Variants in TRIM37 observed in about 807,000 individuals in gnomAD.
The protein encoded by TRIM37 is tripartite motif containing 37.
Under a neutral mutation model 129.8 loss-of-function variants are expected in TRIM37, and 80 were observed. That is an observed-to-expected ratio of 0.62 (90% CI 0.51 to 0.74). The LOEUF (loss-of-function observed/expected upper bound fraction) is 0.74, where lower values mean the gene tolerates loss of function less well. TRIM37 is among the 30% of genes least tolerant of loss of function. The pLI is 0.00. For synonymous variants in TRIM37, 389 were observed against 387.1 expected (o/e 1.00, Z -0.06); for missense variants, 1,054 against 1,176.5 (o/e 0.90, Z 1.52).
At chr17:59,049,577 T>C (rs2040152972) in intron 14 of TRIM37, among the ~76,000 whole-genome samples, 184 bp from the exon 15 acceptor site, 1 of 152,210 alleles carries the variant, frequency 6.6e-6, no homozygotes, top group South Asian at 2.1e-4. Flanking sequence ...ACTGCAAGCC[T>C]TGAACTACTG....
intron 24 of TRIM37, among the ~76,000 whole-genome samples, chr17:58,985,601 C>T (rs1328583821): frequency 6.6e-6 from 1 of 152,074 alleles, no homozygotes; most frequent in African/African-American, 2.4e-5. Flanking sequence ...GGAAAGCCTC[C>T]CAAGGACTGC....
At position 59,075,733 on chromosome 17, in the gene TRIM37, TCATCAAC is replaced by T; in HGVS notation, c.617-26_617-20del. ...TTCTGACCTGATGAAAAATAGTGAA[TCATCAAC>T]ACTTGGGTTCATTATTGGTTTAAGA... is the stretch of plus-strand genomic sequence containing the variant. On this transcript the variant is annotated intron_variant, in intron 7 of 23. Coordinates refer to ENST00000262294, the MANE Select transcript of TRIM37 (RefSeq NM_015294.6). The T allele has an allele frequency of 6.4e-7, 1 of 1,563,010 alleles. No homozygotes were observed.
intron 22 of TRIM37, among the ~76,000 whole-genome samples, chr17:59,009,329 T>C (rs1013040358): frequency 2.0e-5 from 3 of 152,112 alleles, no homozygotes; most frequent in African/African-American, 4.8e-5. Context: ...GGTTTCACCA[T>C]GTTGGCCAGG....
chr17:59,049,942 G>C (rs2040181983), intron 14 of TRIM37, among the ~76,000 whole-genome samples: 1 of 152,158 alleles, frequency 6.6e-6, no homozygotes, highest in Non-Finnish European at 1.5e-5. Context: ...AAACAGTATA[G>C]TGAATACAGG....
intron 4 of TRIM37, among the ~76,000 whole-genome samples, chr17:59,087,774 A>G (rs1035353167): frequency 1.3e-5 from 2 of 152,172 alleles, no homozygotes; most frequent in African/African-American, 4.8e-5. Flanking sequence ...TTATTTTATT[A>G]TTGCTGGACA....
intron 13 of TRIM37, among the ~76,000 whole-genome samples, chr17:59,056,206 C>T (rs2040852333): frequency 6.7e-6 from 1 of 148,346 alleles, no homozygotes; most frequent in Non-Finnish European, 1.5e-5. Context: ...CACCCACCCC[C>T]TTTTTTTTTT....
chr17:59,064,920 G>A (rs893755017), intron 9 of TRIM37, among the ~76,000 whole-genome samples: 1 of 151,930 alleles, frequency 6.6e-6, no homozygotes. Context: ...ATGTGGTGGT[G>A]TGCGCCTGCA....
chr17:59,071,231 G>C (rs1201714763), intron 8 of TRIM37, among the ~76,000 whole-genome samples: 1 of 150,882 alleles, frequency 6.6e-6, no homozygotes, highest in African/African-American at 2.4e-5. Context: ...TTTCAGGCTG[G>C]TACAGTGAAG....
downstream of TRIM37, chr17:58,981,152 C>G: frequency 1.4e-6 from 1 of 695,704 alleles, no homozygotes; most frequent in East Asian, 2.8e-5. Flanking sequence ...TGGCTCAATT[C>G]TTAAATGTAA....
chr17:59,049,428 A>G (rs765568637), intron 14 of TRIM37, 35 bp from the exon 15 acceptor site: 38 of 1,558,468 alleles, frequency 2.4e-5, no homozygotes, highest in Non-Finnish European at 3.3e-5. Context: ...TATTAGCCAC[A>G]GCTCACTGGC....
At chr17:59,099,225 A>AT (rs2045222519) in intron 2 of TRIM37, among the ~76,000 whole-genome samples, 1 of 152,002 alleles carries the variant, frequency 6.6e-6, no homozygotes, top group Non-Finnish European at 1.5e-5. Flanking sequence ...AAAAAGTGGT[A>AT]TATAGCCATG....
chr17:59,020,649 T>G (rs1024193117), intron 19 of TRIM37, among the ~76,000 whole-genome samples: 1 of 152,046 alleles, frequency 6.6e-6, no homozygotes, highest in Non-Finnish European at 1.5e-5. Context: ...AATAATCTGA[T>G]TAAAAATGGG....
At chr17:59,031,857 C>T (rs757463202) in intron 18 of TRIM37, 39 bp downstream of exon 18, 1 of 1,600,934 alleles carries the variant, frequency 6.2e-7, no homozygotes, top group Non-Finnish European at 8.5e-7. Context: ...TTTTAGAGAA[C>T]CACAGAAAAA....
intron 6 of TRIM37, among the ~76,000 whole-genome samples, chr17:59,080,715 C>T (rs1202772503): frequency 3.9e-5 from 6 of 151,924 alleles, no homozygotes; most frequent in South Asian, 2.1e-4. Flanking sequence ...CACTTGAGCC[C>T]GGGAGGTGGA....
chr17:59,083,610 C>G (rs1172041134), intron 5 of TRIM37, among the ~76,000 whole-genome samples: 1 of 152,056 alleles, frequency 6.6e-6, no homozygotes, highest in Admixed American at 6.6e-5. Context: ...ATTATAAGAT[C>G]TAGATAGGCG....
chr17:59,005,335 G>A (rs984223599), intron 22 of TRIM37, among the ~76,000 whole-genome samples: 11 of 151,694 alleles, frequency 7.3e-5, no homozygotes, highest in Admixed American at 1.3e-4. Context: ...CCAGGTTGGC[G>A]TGCCACTGCG....
intron 5 of TRIM37, 28 bp downstream of exon 5, chr17:59,083,974 A>G: frequency 6.3e-7 from 1 of 1,592,210 alleles, no homozygotes. Context: ...CTCTAACTTA[A>G]AAAAAATACT....
chr17:59,010,049 C>A (rs2035063159), intron 22 of TRIM37, among the ~76,000 whole-genome samples: 1 of 152,156 alleles, frequency 6.6e-6, no homozygotes, highest in African/African-American at 2.4e-5. Flanking sequence ...TCCTTGCCGC[C>A]CTCCTACCAA....
chr17:59,056,829 T>C, intron 13 of TRIM37, 46 bp downstream of exon 13: 1 of 1,528,002 alleles, frequency 6.5e-7, no homozygotes, highest in South Asian at 1.1e-5. Context: ...TCTGATGATA[T>C]TATTTCCCCA....
Sources: allele counts gnomAD v4.1 joint callset (sites outside exome capture counted in the v4.1 genomes callset), GRCh38; gene constraint gnomAD v4.1.1; transcripts MANE v1.5; gene names NCBI Gene and HGNC (gene_info 2026-07-23, HGNC 2026-07-21).